Variants in LEF1 observed in about 807,000 individuals in gnomAD.
LEF1 encodes lymphoid enhancer binding factor 1, also known as lymphoid enhancer-binding factor 1.
In LEF1, 14 loss-of-function variants were observed where a neutral mutation model predicts 51.2. The ratio of observed to expected loss-of-function variants is 0.27; its 90% CI spans 0.18 to 0.43. LEF1 has a LOEUF of 0.43. LEF1 is among the 20% of genes least tolerant of loss of function. The pLI is 1.00. For missense variants in LEF1, 386 were observed against 512.0 expected, an observed-to-expected ratio of 0.75 and a Z score of 2.37; for synonymous variants, 185 against 183.2, an observed-to-expected ratio of 1.01 and a Z score of -0.08.
chr4:108,078,338 G>A lies in LEF1; in HGVS notation c.890C>T (p.Pro297Leu), dbSNP rs1376752087. The A allele has an allele frequency of 6.2e-7, 1 of 1,614,102 alleles. No individual in the cohort carries two copies. The highest frequency in any genetic ancestry group is 8.5e-7 in the Non-Finnish European group (1 of 1,180,024). The change falls in exon 8 of 12, where the codon CCT (proline) becomes CTT (leucine). Residue 297 changes from proline to leucine, a missense_variant. By Grantham distance (98) the Pro-to-Leu change is moderately conservative. Transcript: ENST00000265165. ...AGCATTCAGAGGCTTCTTAATGTGA[G>A]GTCTTTTTGGCTCCTGCTCCTTTCT... is the stretch of plus-strand genomic sequence containing the variant. ...EQRKEQEPKR[P>L]HIKKPLNAFM... is the part of the protein sequence containing the mutation.
chr4:108,092,931 A>C lies in LEF1; in HGVS notation c.415-3674T>G, dbSNP rs927428969. 8.2e-5 allele frequency among the ~76,000 whole-genome samples: 12 copies of C among 146,086 alleles called. 1 individual carries two copies. The highest frequency in any genetic ancestry group is 1.5e-4 in the African/African-American group (6 of 39,708). On this transcript the variant is annotated intron_variant, in intron 3 of 11. Coordinates refer to ENST00000265165, the MANE Select transcript of LEF1 (RefSeq NM_016269.5). ...CAATGAATATGTAAAAAAAAAAAAA[A>C]AAAAAAAAAAAAAAAAAAGACAAGC...
intron 11 of LEF1, among the ~76,000 whole-genome samples, chr4:108,053,612 T>C (rs1399197063): frequency 6.6e-6 from 1 of 152,228 alleles, no homozygotes; most frequent in Non-Finnish European, 1.5e-5. Context: ...TGACCGTTAA[T>C]GAATTACTCC....
chr4:108,147,662 C>T (rs533338424), intron 3 of LEF1, among the ~76,000 whole-genome samples: 138 of 152,286 alleles, frequency 9.1e-4, no homozygotes, highest in Non-Finnish European at 1.8e-3. Flanking sequence ...ATGTTGACAC[C>T]TTATTCCTAG....
At chr4:108,115,845 A>G (rs139755278) in intron 3 of LEF1, among the ~76,000 whole-genome samples, 1 of 136,056 alleles carries the variant, frequency 7.3e-6, no homozygotes, top group African/African-American at 2.9e-5. Context: ...AATGTAACAC[A>G]TACACACACA....
At chr4:108,158,723 A>T (rs950811389) in intron 3 of LEF1, among the ~76,000 whole-genome samples, 1 of 144,392 alleles carries the variant, frequency 6.9e-6, no homozygotes, top group Non-Finnish European at 1.5e-5. Context: ...AAAGAACATT[A>T]AAAAAAAAAA....
intron 8 of LEF1, among the ~76,000 whole-genome samples, chr4:108,073,684 C>A (rs1002806725): frequency 2.6e-5 from 4 of 151,928 alleles, no homozygotes; most frequent in Admixed American, 1.3e-4. Flanking sequence ...ACCCAAACAA[C>A]GAGGTATTTT....
intron 3 of LEF1, among the ~76,000 whole-genome samples, chr4:108,102,862 A>C (rs1740918945): frequency 6.6e-6 from 1 of 152,108 alleles, no homozygotes; most frequent in African/African-American, 2.4e-5. Context: ...ACAATAATGA[A>C]AACCATCACA....
rs1339534951 is a variant in LEF1 at position 108,117,600 on chromosome 4, G to C, written c.415-28343C>G. On this transcript the variant is annotated intron_variant, in intron 3 of 11. Transcript: ENST00000265165. ...GCTTCTGCAGTACAAGGTTCTGTAA[G>C]GGCAGCTCTTGCAGCCGGCTGAGTG... Among the ~76,000 whole-genome samples the C allele has an allele frequency of 3.9e-5, 6 of 152,258 alleles. No homozygotes were observed. The East Asian group carries it at 7.7e-4, about 20-fold the overall frequency.
intron 1 of LEF1, chr4:108,166,472 A>G (rs1459113303): frequency 6.5e-6 from 9 of 1,386,646 alleles, no homozygotes; most frequent in South Asian, 4.7e-5. Context: ...GGACTTTTCT[A>G]CCGGATTTCC....
chr4:108,107,009 C>G (rs985179172), intron 3 of LEF1, among the ~76,000 whole-genome samples: 1 of 152,210 alleles, frequency 6.6e-6, no homozygotes, highest in African/African-American at 2.4e-5. Context: ...AGTCCAACAG[C>G]TGGCTGGTCA....
chr4:108,140,160 C>T (rs1313836157), intron 3 of LEF1, among the ~76,000 whole-genome samples: 1 of 152,050 alleles, frequency 6.6e-6, no homozygotes, highest in African/African-American at 2.4e-5. Context: ...AAGTTTTATA[C>T]CTTGAGTGAA....
In LEF1 at chr4:108,089,109, A is replaced by G; in HGVS notation, c.547+16T>C. 1 of 1,613,292 alleles carries G rather than the reference A, an allele frequency of 6.2e-7. No individual in the cohort carries two copies. The stretch of plus-strand genomic sequence containing the variant: ...TTTGGCAAAAAAAAAGGGCCTGGAA[A>G]GACAGGGACTCTCACCTTGTTTGGA... On this transcript the variant is annotated intron_variant, in intron 4 of 11. Coordinates refer to ENST00000265165, the MANE Select transcript of LEF1 (RefSeq NM_016269.5).
At chr4:108,125,838 C>A (rs1012265549) in intron 3 of LEF1, among the ~76,000 whole-genome samples, 7 of 151,874 alleles carry the variant, frequency 4.6e-5, no homozygotes, top group African/African-American at 1.7e-4. Flanking sequence ...ATAAGGTAAT[C>A]CTAGGTGTAT....
At chr4:108,166,622 G>A in intron 1 of LEF1, 1 of 1,064,248 alleles carries the variant, frequency 9.4e-7, no homozygotes, top group Non-Finnish European at 1.1e-6. Context: ...TCTCTAGCCA[G>A]CACCCACGTG....
intron 2 of LEF1, among the ~76,000 whole-genome samples, chr4:108,164,337 A>C (rs1337267965): frequency 6.6e-6 from 1 of 152,164 alleles, no homozygotes; most frequent in Non-Finnish European, 1.5e-5. Context: ...ACTATCTTGT[A>C]GCTGAGGAAG....
chr4:108,052,322 C>T (rs1432084558), intron 11 of LEF1, among the ~76,000 whole-genome samples: 3 of 152,234 alleles, frequency 2.0e-5, no homozygotes, highest in Non-Finnish European at 4.4e-5. Context: ...ATAAAAGACC[C>T]TTTCTTCGTC....
At chr4:108,065,473 G>C (rs961910939) in intron 9 of LEF1, among the ~76,000 whole-genome samples, 1 of 152,196 alleles carries the variant, frequency 6.6e-6, no homozygotes, top group Non-Finnish European at 1.5e-5. Flanking sequence ...CTGGGCCACA[G>C]AGTGAGACTC....
intron 3 of LEF1, among the ~76,000 whole-genome samples, chr4:108,144,355 C>T (rs952437395): frequency 1.3e-5 from 2 of 152,100 alleles, no homozygotes; most frequent in Admixed American, 1.3e-4. Context: ...AGAAACAGTT[C>T]TTATATTTGG....
intron 9 of LEF1, 54 bp downstream of exon 9, chr4:108,070,609 C>A: frequency 8.3e-7 from 1 of 1,205,538 alleles, no homozygotes; most frequent in Non-Finnish European, 1.2e-6. Context: ...TTCTTGAACG[C>A]AAAAGAGCGA....
Sources: gnomAD v4.1 joint callset for allele counts (sites outside exome capture counted in the v4.1 genomes callset) on GRCh38, gnomAD v4.1.1 for gene constraint, MANE v1.5 for transcripts, NCBI Gene and HGNC (gene_info 2026-07-23, HGNC 2026-07-21) for gene names.